ANO2: variants seen among roughly 807,000 people sequenced by gnomAD.
ANO2 encodes anoctamin-2.
A neutral mutation model predicts 124.2 loss-of-function variants in ANO2; 101 were observed. That is an observed-to-expected ratio of 0.81 (90% CI 0.69 to 0.96). The LOEUF (loss-of-function observed/expected upper bound fraction) is 0.96. Among genes scored for constraint, ANO2 ranks in the 40% least tolerant of loss-of-function variants. The pLI is 0.00. For missense variants in ANO2, 1,293 were observed against 1,274.5 expected (o/e 1.01, Z -0.22); for synonymous variants, 486 against 482.5 (o/e 1.01, Z -0.09).
At chr12:5,785,288 G>A (rs953352752) in intron 10 of ANO2, among the ~76,000 whole-genome samples, 1 of 152,080 alleles carries the variant, frequency 6.6e-6, no homozygotes, top group Non-Finnish European at 1.5e-5. Flanking sequence ...GAGGACCAGC[G>A]AGAGGCTTAG....
intron 3 of ANO2, among the ~76,000 whole-genome samples, chr12:5,917,379 A>G (rs1409335076): frequency 1.3e-5 from 2 of 151,912 alleles, no homozygotes; most frequent in African/African-American, 4.8e-5. Flanking sequence ...AAAAGTATTC[A>G]CTGTTGAACT....
intron 3 of ANO2, among the ~76,000 whole-genome samples, chr12:5,881,617 G>A (rs542794969): frequency 1.8e-4 from 28 of 152,288 alleles, no homozygotes; most frequent in African/African-American, 6.0e-4. Context: ...AGAAGTCAAG[G>A]TTTTTGACTA....
At chr12:5,655,568 C>T (rs926191233) in intron 14 of ANO2, among the ~76,000 whole-genome samples, 3 of 152,196 alleles carry the variant, frequency 2.0e-5, no homozygotes, top group Non-Finnish European at 2.9e-5. Context: ...GGTGTGGCCA[C>T]CCAGCCTGCA....
chr12:5,912,469 G>C lies in ANO2; in HGVS notation c.534+8571C>G, dbSNP rs566585510. On this transcript the variant is annotated intron_variant, in intron 3 of 24. Coordinates refer to ENST00000682330, the MANE Select transcript of ANO2 (RefSeq NM_001364791.2). Reference sequence around the variant, plus strand: ...GGAGGCTAAAACGAGCATCAGAGGAGAATGCTGAAGGTTAATGTTTTCATT... The same window carrying C: ...GGAGGCTAAAACGAGCATCAGAGGACAATGCTGAAGGTTAATGTTTTCATT... 2.4e-4 allele frequency among the ~76,000 whole-genome samples: 37 copies of C among 152,314 alleles called. No individual in the cohort carries two copies. In the South Asian group the frequency reaches 7.7e-3, roughly 32 times the overall value.
At chr12:5,616,920 T>C (rs1175820558) in intron 16 of ANO2, among the ~76,000 whole-genome samples, 3 of 139,012 alleles carry the variant, frequency 2.2e-5, no homozygotes, top group Non-Finnish European at 3.1e-5. Flanking sequence ...TACCAAACTC[T>C]CCAGATCACA....
chr12:5,569,048 T>C (rs918112115), intron 23 of ANO2, among the ~76,000 whole-genome samples: 8 of 152,266 alleles, frequency 5.3e-5, no homozygotes, highest in African/African-American at 1.7e-4. Flanking sequence ...ACAGAGCATG[T>C]AGATCACGGC....
At chr12:5,750,701 A>G in intron 11 of ANO2, 135 bp downstream of exon 11, 1 of 931,338 alleles carries the variant, frequency 1.1e-6, no homozygotes, top group Non-Finnish European at 1.6e-6. Context: ...GAGGAAAGCT[A>G]CATGTGTCAT....
intron 10 of ANO2, among the ~76,000 whole-genome samples, chr12:5,772,040 T>C (rs1952098009): frequency 6.6e-6 from 1 of 152,240 alleles, no homozygotes; most frequent in South Asian, 2.1e-4. Flanking sequence ...TTGGGTTTCA[T>C]TGTTTTTATT....
At chr12:5,867,921 G>C (rs1487999150) in intron 3 of ANO2, among the ~76,000 whole-genome samples, 2 of 152,148 alleles carry the variant, frequency 1.3e-5, no homozygotes, top group Non-Finnish European at 2.9e-5. Context: ...GGGAAGGACA[G>C]TAGGGGAGTG....
intron 15 of ANO2, among the ~76,000 whole-genome samples, chr12:5,639,285 G>A (rs1565507722): frequency 6.6e-6 from 1 of 152,042 alleles, no homozygotes; most frequent in African/African-American, 2.4e-5. Flanking sequence ...CTTCATCATC[G>A]ACATAGTACG....
chr12:5,790,116 T>C (rs1952654171), intron 10 of ANO2, among the ~76,000 whole-genome samples: 1 of 152,218 alleles, frequency 6.6e-6, no homozygotes, highest in South Asian at 2.1e-4. Context: ...CAGACAGAAC[T>C]GCACCTGCCA....
At chr12:5,770,007 T>C (rs995052695) in intron 10 of ANO2, among the ~76,000 whole-genome samples, 4 of 152,162 alleles carry the variant, frequency 2.6e-5, no homozygotes, top group African/African-American at 7.2e-5. Flanking sequence ...CTACATTTAA[T>C]AGATGAGAGA....
At chr12:5,780,396 T>TA (rs1045385861) in intron 10 of ANO2, among the ~76,000 whole-genome samples, 2 of 152,134 alleles carry the variant, frequency 1.3e-5, no homozygotes, top group Admixed American at 6.5e-5. Flanking sequence ...AAATAAAAAG[T>TA]AAAAAAACAA....
intron 14 of ANO2, among the ~76,000 whole-genome samples, chr12:5,689,748 C>T (rs202106211): frequency 1.3e-5 from 2 of 152,268 alleles, no homozygotes; most frequent in East Asian, 3.9e-4. Flanking sequence ...ATCTGCCCTC[C>T]CACAGTCTTT....
At position 5,702,241 on chromosome 12, in the gene ANO2, A is replaced by G. The variant is rs143806292; in HGVS notation, c.1545+30279T>C. ...CAGAAGATGTGAAACCACAATTAGC[A>G]AACTTGATCTAAAAAACCAATAACA... On this transcript the variant is annotated intron_variant, in intron 14 of 24. Transcript: ENST00000682330. Among the ~76,000 whole-genome samples the G allele has an allele frequency of 9.5e-4, 145 of 152,326 alleles. 2 individuals carry two copies. The East Asian group carries it at 0.021, about 22-fold the overall frequency.
chr12:5,930,876 T>C (rs1267276225), intron 1 of ANO2, among the ~76,000 whole-genome samples: 4 of 152,034 alleles, frequency 2.6e-5, no homozygotes, highest in Admixed American at 6.6e-5. Flanking sequence ...ACACATAAAA[T>C]CCATTTGCAT....
intron 14 of ANO2, among the ~76,000 whole-genome samples, chr12:5,727,057 A>T (rs1950468653): frequency 6.6e-6 from 1 of 152,206 alleles, no homozygotes; most frequent in Admixed American, 6.5e-5. Flanking sequence ...AATTGTTTTC[A>T]GGGAAGCTGA....
At chr12:5,571,689 C>T (rs977521737) in intron 23 of ANO2, among the ~76,000 whole-genome samples, 2 of 152,162 alleles carry the variant, frequency 1.3e-5, no homozygotes, top group African/African-American at 2.4e-5. Context: ...CTCCTCCTCC[C>T]CTCTCTCTTT....
intron 14 of ANO2, among the ~76,000 whole-genome samples, chr12:5,687,512 T>C (rs900758862): frequency 5.3e-5 from 8 of 152,206 alleles, no homozygotes; most frequent in African/African-American, 1.9e-4. Context: ...CATCCATCAG[T>C]CTGGGCTGGT....
Sources: gnomAD v4.1 joint callset for allele counts (sites outside exome capture counted in the v4.1 genomes callset) on GRCh38, gnomAD v4.1.1 for gene constraint, MANE v1.5 for transcripts, NCBI Gene and HGNC (gene_info 2026-07-23, HGNC 2026-07-21) for gene names.